PREP: variants seen among roughly 807,000 people sequenced by gnomAD.
The protein encoded by PREP is prolyl endopeptidase.
PREP carries 29 observed loss-of-function variants against 87.6 expected under a neutral mutation model. The observed-to-expected ratio is 0.33, with a 90% CI of 0.25 to 0.45. The LOEUF (loss-of-function observed/expected upper bound fraction) is 0.45, where lower values mean the gene tolerates loss of function less well. PREP is among the 20% of genes least tolerant of loss of function. The pLI is 1.00. For synonymous variants in PREP, 337 were observed against 328.6 expected, an observed-to-expected ratio of 1.03 and a Z score of -0.28; for missense variants, 695 against 886.5, an observed-to-expected ratio of 0.78 and a Z score of 2.74.
Position 105,382,270 on chromosome 6 carries a change from A to G in PREP, c.121-4751T>C, listed in dbSNP as rs935153160. ...GCTAAGAGGGATTTTAAGCGTTCTC[A>G]ACACACACACACACACACACACACA... is the stretch of plus-strand genomic sequence containing the variant. On this transcript the variant is annotated intron_variant, in intron 2 of 14. Coordinates refer to ENST00000652536, the MANE Select transcript of PREP (RefSeq NM_002726.5). Among the ~76,000 whole-genome samples the G allele has an allele frequency of 6.3e-5, 9 of 143,118 alleles. No individual in the cohort carries two copies. The East Asian group carries it at 1.9e-3, about 30-fold the overall frequency. The allele number at this position is 143,118 out of a possible 152,430, so 93.9% of individuals were successfully genotyped here. A position where few individuals can be genotyped will look rare whatever the true frequency, so the allele number is the denominator to read the frequency against.
intron 5 of PREP, among the ~76,000 whole-genome samples, chr6:105,369,337 T>C (rs369624035): frequency 4.6e-5 from 7 of 152,338 alleles, no homozygotes; most frequent in African/African-American, 1.7e-4. Flanking sequence ...GAAGAGCTAG[T>C]CCATGTTCAT....
intron 7 of PREP, among the ~76,000 whole-genome samples, chr6:105,340,803 A>G (rs1345237908): frequency 6.6e-6 from 1 of 152,248 alleles, no homozygotes; most frequent in Non-Finnish European, 1.5e-5. Context: ...AGGCCATTAC[A>G]TAATGGTAAA....
At position 105,374,367 on chromosome 6, in the gene PREP, A is replaced by G. The variant is rs945325366; in HGVS notation, c.386-789T>C. ...AACACCTCCTATTGGAGACTCTGAC[A>G]CCAGAGATTTCCTCTTAGGCTGTTT... On this transcript the variant is annotated intron_variant, in intron 4 of 14. Coordinates refer to ENST00000652536, the MANE Select transcript of PREP (RefSeq NM_002726.5). Among the ~76,000 whole-genome samples the G allele has an allele frequency of 1.2e-4, 19 of 152,130 alleles. 1 individual carries two copies. Among genetic ancestry groups the G allele is most frequent in the African/African-American group, 4.6e-4 (19 of 41,430 alleles).
intron 7 of PREP, among the ~76,000 whole-genome samples, chr6:105,350,277 C>T (rs78984174): frequency 1.3e-5 from 2 of 151,956 alleles, no homozygotes; most frequent in African/African-American, 4.8e-5. Flanking sequence ...AAGTCCTTTT[C>T]TTTGCATTTT....
rs574779646 is a variant in PREP, at chr6:105,283,898, T to C, written c.1550-1316A>G. ...CAAATTACTCTTCCCTCTCAGAGCA[T>C]GGTGGACATCTGATGACCAGAGGGG... On this transcript the variant is annotated intron_variant, in intron 12 of 14. Coordinates refer to ENST00000652536, the MANE Select transcript of PREP (RefSeq NM_002726.5). Among the ~76,000 whole-genome samples the C allele has an allele frequency of 3.3e-5, 5 of 152,270 alleles. No individual in the cohort carries two copies. The South Asian group carries it at 1.0e-3, about 32-fold the overall frequency.
chr6:105,336,906 C>T (rs1403532601), intron 7 of PREP, among the ~76,000 whole-genome samples: 2 of 152,106 alleles, frequency 1.3e-5, no homozygotes, highest in African/African-American at 2.4e-5. Context: ...CACTAATTAT[C>T]GCTTTGGCTG....
intron 7 of PREP, among the ~76,000 whole-genome samples, chr6:105,347,886 T>C (rs1771838974): frequency 6.6e-6 from 1 of 152,108 alleles, no homozygotes; most frequent in South Asian, 2.1e-4. Context: ...AAAATAGGGT[T>C]ATAGCAAACT....
Position 105,313,029 on chromosome 6 carries a change from C to T in PREP, c.1317+10636G>A, listed in dbSNP as rs542207319. On this transcript the variant is annotated intron_variant, in intron 10 of 14. Coordinates refer to ENST00000652536, the MANE Select transcript of PREP (RefSeq NM_002726.5). ...CAATATTTTACTACCATTTTTATAA[C>T]TATGACAACATTTCTGTCTATATCT... Among the ~76,000 whole-genome samples, 13 of 152,292 alleles carry T rather than the reference C, an allele frequency of 8.5e-5. No individual in the cohort carries two copies. The East Asian group carries it at 2.5e-3, about 29-fold the overall frequency.
chr6:105,349,109 T>C (rs1212373826), intron 7 of PREP, among the ~76,000 whole-genome samples: 1 of 152,122 alleles, frequency 6.6e-6, no homozygotes, highest in Non-Finnish European at 1.5e-5. Context: ...CAGTGATGCA[T>C]GAGGTGAGTC....
In PREP at chr6:105,274,143, G is replaced by A. The variant is rs563877180; in HGVS notation, c.*4001C>T. ...TGCTATAAGAAAATACCATAAACTG[G>A]TGGGTTGTCAACAACAGAAATTGCT... On this transcript the variant is annotated 3_prime_UTR_variant, in exon 15 of 15. Coordinates refer to ENST00000652536, the MANE Select transcript of PREP (RefSeq NM_002726.5). Among the ~76,000 whole-genome samples the A allele has an allele frequency of 4.6e-3, 707 of 152,148 alleles. 9 individuals are homozygous for A. The highest frequency in any genetic ancestry group is 0.016 in the African/African-American group (663 of 41,508).
intron 6 of PREP, among the ~76,000 whole-genome samples, chr6:105,362,266 G>T (rs189472963): frequency 1.8e-4 from 27 of 152,318 alleles, no homozygotes; most frequent in African/African-American, 5.1e-4. Context: ...TTCAGGACCA[G>T]CCTGGCCAAC....
At chr6:105,383,923 T>C (rs1229987155) in intron 2 of PREP, among the ~76,000 whole-genome samples, 4 of 152,106 alleles carry the variant, frequency 2.6e-5, no homozygotes, top group Admixed American at 1.3e-4. Flanking sequence ...CGTGAGGACA[T>C]TAAACACACT....
At chr6:105,348,878 CAAAA>C (rs1300160085) in intron 7 of PREP, among the ~76,000 whole-genome samples, 1 of 92,272 alleles carries the variant, frequency 1.1e-5, no homozygotes, top group Admixed American at 1.2e-4. Context: ...GATTCCGTCT[CAAAA>C]AAAAAAAAAA....
chr6:105,333,256 CTTG>C (rs1771385662), intron 8 of PREP, 55 bp downstream of exon 8: 4 of 1,492,548 alleles, frequency 2.7e-6, no homozygotes, highest in African/African-American at 1.4e-5. Flanking sequence ...GACGCACTAA[CTTG>C]TTGATGTTCT....
chr6:105,376,368 T>C, intron 3 of PREP, 113 bp from the exon 4 acceptor site: 1 of 1,284,400 alleles, frequency 7.8e-7, no homozygotes, highest in Non-Finnish European at 1.1e-6. Context: ...AAGGTACCAC[T>C]GTAATCTGGC....
At chr6:105,379,022 A>AACAAGAG (rs1260800510) in intron 2 of PREP, among the ~76,000 whole-genome samples, 2 of 152,254 alleles carry the variant, frequency 1.3e-5, no homozygotes, top group African/African-American at 4.8e-5. Flanking sequence ...TGCATTTAAA[A>AACAAGAG]ACAAGAGACA....
intron 5 of PREP, among the ~76,000 whole-genome samples, chr6:105,370,302 CAAAA>C (rs71549435): frequency 1.3e-5 from 1 of 78,022 alleles, no homozygotes; most frequent in African/African-American, 4.3e-5. Flanking sequence ...GACTCCATCT[CAAAA>C]AAAAAAAAAA....
intron 5 of PREP, 24 bp from the exon 6 acceptor site, chr6:105,369,048 T>A (rs1290141822): frequency 6.2e-7 from 1 of 1,610,648 alleles, no homozygotes; most frequent in Non-Finnish European, 8.5e-7. Context: ...AAATGTACAC[T>A]GAAATGTACT....
chr6:105,377,345 A>T, intron 3 of PREP, 41 bp downstream of exon 3: 7 of 1,561,718 alleles, frequency 4.5e-6, no homozygotes, highest in Non-Finnish European at 6.1e-6. Context: ...GAAAGCATTT[A>T]CTTTGAAAAT....
Sources: allele counts gnomAD v4.1 joint callset (sites outside exome capture counted in the v4.1 genomes callset), GRCh38; gene constraint gnomAD v4.1.1; transcripts MANE v1.5; gene names NCBI Gene and HGNC (gene_info 2026-07-23, HGNC 2026-07-21).